KIAA0319: variants seen among roughly 807,000 people sequenced by gnomAD.
KIAA0319 encodes the protein KIAA0319, also known as dyslexia-associated protein KIAA0319.
In KIAA0319, 83 loss-of-function variants were observed where a neutral mutation model predicts 108.4. The ratio of observed to expected loss-of-function variants is 0.77; its 90% confidence interval spans 0.64 to 0.92. KIAA0319 has a LOEUF of 0.92. Ranked by LOEUF, KIAA0319 falls within the 40% of genes least tolerant of loss-of-function variation. The pLI, the probability that KIAA0319 is intolerant of heterozygous loss-of-function variation, is 0.00. For synonymous variants in KIAA0319, 484 were observed against 510.4 expected, an observed-to-expected ratio of 0.95 and a Z score of 0.70; for missense variants, 1,195 against 1,322.4, an observed-to-expected ratio of 0.90 and a Z score of 1.49.
Position 24,554,583 on chromosome 6 carries a change from A to T in KIAA0319, c.2906T>A (p.Leu969Gln). 6.2e-7 allele frequency: 1 copy of T among 1,614,134 alleles called. No homozygotes were observed. Among genetic ancestry groups the T allele is most frequent in the Non-Finnish European group, 8.5e-7 (1 of 1,179,992 alleles). Residue 969 changes from leucine to glutamine, a missense_variant, in exon 19 of 21, where the codon CTA (leucine) becomes CAA (glutamine). Coordinates refer to ENST00000378214, the MANE Select transcript of KIAA0319 (RefSeq NM_014809.4). Reference sequence around the variant, plus strand: ...GCAAAGCCAAGTGAAACCTCCTGTTAGCACAATAAGAGTAAAAGCCAACAC... The same window carrying T: ...GCAAAGCCAAGTGAAACCTCCTGTTTGCACAATAAGAGTAAAAGCCAACAC... Reference protein sequence around the residue: ...VTVLAFTLIVLTGGFTWLCIC... With the variant: ...VTVLAFTLIVQTGGFTWLCIC...
At chr6:24,586,534 G>C (rs1052282864) in intron 4 of KIAA0319, among the ~76,000 whole-genome samples, 2 of 152,144 alleles carry the variant, frequency 1.3e-5, no homozygotes, top group African/African-American at 4.8e-5. Context: ...CCTCACTCTT[G>C]CTTACTTCGT....
rs1554142428 is a variant in KIAA0319 at position 24,553,294 on chromosome 6, T to TATATAC, written c.2948+1246_2948+1247insGTATAT. On this transcript the variant is annotated intron_variant, in intron 19 of 20. Transcript: ENST00000378214. ...AGATAGATATATATATATATATATA[T>TATATAC]ACACACACACACACACACACACACA... 1.6e-3 allele frequency among the ~76,000 whole-genome samples: 148 copies of TATATAC among 91,058 alleles called. 1 individual carries two copies. Among genetic ancestry groups the TATATAC allele is most frequent in the Middle Eastern group, 6.4e-3 (1 of 156 alleles). The allele number at this position is 91,058 out of a possible 152,430, so 59.7% of individuals were successfully genotyped here. A position where few individuals can be genotyped will look rare whatever the true frequency, so the allele number is the denominator to read the frequency against.
At chr6:24,553,282 T>G (rs1475315424) in intron 19 of KIAA0319, among the ~76,000 whole-genome samples, 1 of 80,574 alleles carries the variant, frequency 1.2e-5, no homozygotes, top group East Asian at 2.4e-4. Context: ...TAGATATATA[T>G]ATATATATAT....
At chr6:24,561,743 T>C (rs181110754) in intron 16 of KIAA0319, among the ~76,000 whole-genome samples, 3 of 152,034 alleles carry the variant, frequency 2.0e-5, no homozygotes, top group Admixed American at 2.0e-4. Context: ...TCTCGCTCTG[T>C]CACCCAGGCT....
chr6:24,623,157 T>G (rs1255015729), intron 1 of KIAA0319, among the ~76,000 whole-genome samples: 1 of 152,160 alleles, frequency 6.6e-6, no homozygotes, highest in Non-Finnish European at 1.5e-5. Context: ...CTGTTCTACG[T>G]GGCTGAAGGC....
At chr6:24,551,658 A>G (rs563545084) in intron 19 of KIAA0319, 133 bp from the exon 20 acceptor site, 187 of 640,902 alleles carry the variant, frequency 2.9e-4, no homozygotes, top group Middle Eastern at 4.2e-4. Context: ...TTTATTAAAG[A>G]AACATACACA....
intron 1 of KIAA0319, among the ~76,000 whole-genome samples, chr6:24,629,437 C>T (rs1250492351): frequency 2.8e-5 from 4 of 142,318 alleles, no homozygotes; most frequent in Non-Finnish European, 6.0e-5. Context: ...ATGGCATGAA[C>T]CCGGGAAGCA....
intron 1 of KIAA0319, among the ~76,000 whole-genome samples, chr6:24,609,562 G>A (rs1772002251): frequency 1.3e-5 from 2 of 152,092 alleles, no homozygotes; most frequent in African/African-American, 2.4e-5. Context: ...GGCAACCAGA[G>A]CGAGATTCTG....
Position 24,599,067 on chromosome 6 carries a change from A to G in KIAA0319, c.55+1982T>C, listed in dbSNP as rs1271273616. The G allele has an allele frequency of 6.7e-6, 5 of 742,754 alleles. No homozygotes were observed. The highest frequency in any genetic ancestry group is 1.2e-5 in the Non-Finnish European group (5 of 422,164). 46.0% of individuals were successfully genotyped at this position (742,754 alleles called of 1,614,324 possible). A position where few individuals can be genotyped will look rare whatever the true frequency, so the allele number is the denominator to read the frequency against. On this transcript the variant is annotated intron_variant, in intron 2 of 20. Transcript: ENST00000378214. This position sits in a 1 kb window ranked among gnomAD's most constrained non-coding sequence, Gnocchi z 4.1. ...GGAGATCCAGGAGCTGCAGTCCCAGATCTGGGACACATCTGTGGTGCTGTC... is the reference window on the plus strand; with the variant it reads ...GGAGATCCAGGAGCTGCAGTCCCAGGTCTGGGACACATCTGTGGTGCTGTC...
At chr6:24,557,020 C>T (rs1298113741) in intron 17 of KIAA0319, among the ~76,000 whole-genome samples, 1 of 152,210 alleles carries the variant, frequency 6.6e-6, no homozygotes, top group Non-Finnish European at 1.5e-5. Flanking sequence ...TCCTGACCAA[C>T]ATGGTGAAAC....
intron 1 of KIAA0319, among the ~76,000 whole-genome samples, chr6:24,603,800 T>A (rs1349107336): frequency 6.6e-6 from 1 of 152,152 alleles, no homozygotes; most frequent in African/African-American, 2.4e-5. Context: ...TAAGATGGTG[T>A]CTGGAAGTTC....
chr6:24,582,656 A>C (rs1217249678), intron 5 of KIAA0319, among the ~76,000 whole-genome samples: 1 of 92,366 alleles, frequency 1.1e-5, no homozygotes, highest in Non-Finnish European at 2.0e-5. Context: ...AAATGTATAA[A>C]GTTAAAAAAA....
intron 14 of KIAA0319, 111 bp from the exon 15 acceptor site, chr6:24,564,451 T>G (rs1763614948): frequency 7.4e-7 from 1 of 1,359,314 alleles, no homozygotes; most frequent in Non-Finnish European, 1.0e-6. Flanking sequence ...GGCGTGACTT[T>G]AAGAGGGAGG....
In KIAA0319 at chr6:24,596,296, G is replaced by A. The variant is rs763722667; in HGVS notation, c.378C>T (p.Pro126=). The A allele has an allele frequency of 1.9e-6, 3 of 1,614,162 alleles. No individual in the cohort carries two copies. The highest frequency in any genetic ancestry group is 1.7e-5 in the Admixed American group (1 of 60,030). ...CAGGTGAGTCCCCCCAGATCCCCGA[G>A]GGGGAGCCCCTGTTCAGCATCATGT... ...YGDMMLNRGS[P]SGIWGDSPED... The change falls in exon 3 of 21, where the codon CCC becomes CCT. Residue 126 remains proline (P), a synonymous_variant. Transcript: ENST00000378214.
chr6:24,558,403 AGAT>A (rs1462559914), intron 17 of KIAA0319, among the ~76,000 whole-genome samples: 6 of 141,024 alleles, frequency 4.3e-5, no homozygotes, highest in African/African-American at 1.0e-4. Context: ...ATAGATAGAT[AGAT>A]ATCTGAAACA....
chr6:24,542,559 C>T (rs1044592241), downstream of KIAA0319, among the ~76,000 whole-genome samples: 3 of 152,010 alleles, frequency 2.0e-5, no homozygotes, highest in Admixed American at 6.6e-5. Flanking sequence ...AGTGAGACTC[C>T]CCCATCTCTA....
At chr6:24,640,045 A>ATTATC (rs57590598) in intron 1 of KIAA0319, among the ~76,000 whole-genome samples, 31 of 151,552 alleles carry the variant, frequency 2.0e-4, no homozygotes, top group Admixed American at 2.0e-3. Flanking sequence ...AAAAACATTT[A>ATTATC]TTTAGATTTT....
chr6:24,612,869 G>A (rs1772551583), intron 1 of KIAA0319, among the ~76,000 whole-genome samples: 2 of 152,074 alleles, frequency 1.3e-5, no homozygotes, highest in African/African-American at 4.8e-5. Flanking sequence ...CACGATCTCC[G>A]CTCAATGCAA....
intron 9 of KIAA0319, among the ~76,000 whole-genome samples, chr6:24,577,748 A>G (rs114639278): frequency 2.6e-5 from 4 of 152,270 alleles, no homozygotes; most frequent in Non-Finnish European, 4.4e-5. Context: ...CCAAACATCT[A>G]AAGTCCTTCC....
Sources: gnomAD v4.1 joint callset for allele counts (sites outside exome capture counted in the v4.1 genomes callset) on GRCh38, gnomAD v4.1.1 for gene constraint, Gnocchi (gnomAD v3.1) non-coding constraint, MANE v1.5 for transcripts, NCBI Gene and HGNC (gene_info 2026-07-23, HGNC 2026-07-21) for gene names.